Variants in PALS2 observed in about 807,000 individuals in gnomAD.
PALS2 encodes protein PALS2.
Under a neutral mutation model 61.6 loss-of-function variants are expected in PALS2, and 27 were observed. The ratio of observed to expected loss-of-function variants is 0.44; its 90% CI spans 0.32 to 0.60. The LOEUF (loss-of-function observed/expected upper bound fraction) is 0.60, where lower values mean the gene tolerates loss of function less well. Among genes scored for constraint, PALS2 ranks in the 20% least tolerant of loss-of-function variants. The probability of loss-of-function intolerance (pLI) is 0.05; values close to 1 mark genes in which losing one functional copy is unlikely to be tolerated. For synonymous variants in PALS2, 236 were observed against 218.6 expected, an observed-to-expected ratio of 1.08 and a Z score of -0.70; for missense variants, 554 against 639.4, an observed-to-expected ratio of 0.87 and a Z score of 1.44.
intron 1 of PALS2, among the ~76,000 whole-genome samples, chr7:24,590,011 A>G (rs1263972560): frequency 1.3e-5 from 2 of 152,186 alleles, no homozygotes; most frequent in African/African-American, 4.8e-5. Context: ...GGCCTAGTAC[A>G]TTTCCAAATG....
In PALS2 at chr7:24,692,179, A is replaced by G. The variant is rs1448973345; in HGVS notation, c.*4565A>G. 6.6e-6 allele frequency: 1 copy of G among 152,200 alleles called. No individual in the cohort carries two copies. The highest frequency in any genetic ancestry group is 1.5e-5 in the Non-Finnish European group (1 of 68,018). 9.4% of individuals were successfully genotyped at this position (152,200 alleles called of 1,614,324 possible). ...AACATGAGTCCTTAATATACTAAACAGTGAAAGAATGATGATATCTCATTT... is the reference window on the plus strand; with the variant it reads ...AACATGAGTCCTTAATATACTAAACGGTGAAAGAATGATGATATCTCATTT... On this transcript the variant is annotated 3_prime_UTR_variant, in exon 12 of 12. Coordinates refer to ENST00000222644, the MANE Select transcript of PALS2 (RefSeq NM_001303037.2).
chr7:24,623,087 A>T (rs750960123), intron 1 of PALS2, among the ~76,000 whole-genome samples: 1 of 151,274 alleles, frequency 6.6e-6, no homozygotes, highest in Admixed American at 6.6e-5. Context: ...AGATTTTTGC[A>T]TTTGTATTTC....
intron 1 of PALS2, among the ~76,000 whole-genome samples, chr7:24,608,438 T>G (rs1269894618): frequency 1.3e-5 from 2 of 152,148 alleles, no homozygotes; most frequent in East Asian, 1.9e-4. Flanking sequence ...ACTTATTCTA[T>G]TCTTGTCTTA....
chr7:24,668,465 T>G (rs1015179595), intron 8 of PALS2, 34 bp from the exon 9 acceptor site: 6 of 1,578,496 alleles, frequency 3.8e-6, no homozygotes, highest in Non-Finnish European at 4.3e-6. Context: ...TATATAAAAG[T>G]TGACTTTGTA....
intron 1 of PALS2, among the ~76,000 whole-genome samples, chr7:24,587,674 G>A (rs983489943): frequency 2.0e-5 from 3 of 151,652 alleles, no homozygotes; most frequent in Non-Finnish European, 3.0e-5. Context: ...ACCATGCTAA[G>A]TTTTGTGGGG....
At chr7:24,583,893 T>C (rs1167272667) in intron 1 of PALS2, among the ~76,000 whole-genome samples, 2 of 151,826 alleles carry the variant, frequency 1.3e-5, no homozygotes, top group African/African-American at 4.8e-5. Flanking sequence ...TTCCCACCTA[T>C]GAGTGAGAAT....
intron 9 of PALS2, among the ~76,000 whole-genome samples, chr7:24,678,646 G>GTGCT: frequency 6.6e-6 from 1 of 152,188 alleles, no homozygotes; most frequent in Non-Finnish European, 1.5e-5. Context: ...GAGAAGGAGA[G>GTGCT]TGCTGGTCAG....
At chr7:24,641,637 T>C (rs1785557200) in intron 2 of PALS2, 79 bp from the exon 3 acceptor site, 4 of 1,273,060 alleles carry the variant, frequency 3.1e-6, no homozygotes, top group Admixed American at 2.6e-5. Context: ...TTTTAAAACT[T>C]TACGAAAAAG....
At chr7:24,664,190 G>A (rs1786895259) in intron 6 of PALS2, among the ~76,000 whole-genome samples, 1 of 152,102 alleles carries the variant, frequency 6.6e-6, no homozygotes, top group Admixed American at 6.5e-5. Context: ...CCTCTTCTCA[G>A]ATATTGGGAA....
chr7:24,652,017 G>T (rs756743205), intron 5 of PALS2, among the ~76,000 whole-genome samples: 3 of 152,250 alleles, frequency 2.0e-5, no homozygotes, highest in Non-Finnish European at 4.4e-5. Context: ...TCAAGGAAAA[G>T]AATTGTGAAA....
At chr7:24,677,248 T>C (rs1186962594) in intron 9 of PALS2, among the ~76,000 whole-genome samples, 1 of 152,216 alleles carries the variant, frequency 6.6e-6, no homozygotes, top group Admixed American at 6.5e-5. Flanking sequence ...CTGAAGTTGC[T>C]TATCAGCTTA....
rs532352028 is a variant in PALS2 at position 24,618,126 on chromosome 7, G to C, written c.-2-5540G>C. Among the ~76,000 whole-genome samples the C allele has an allele frequency of 6.6e-6, 1 of 152,180 alleles. No homozygotes were observed. The highest frequency in any genetic ancestry group is 6.5e-5 in the Admixed American group (1 of 15,282). ...GGCTAGCCTGCCAGGCTGTTTTTCA[G>C]GCTCAGGACATGGGTGTGCAACTAC... On this transcript the variant is annotated intron_variant, in intron 1 of 11. Transcript: ENST00000222644. The surrounding 1 kb of genome is among the most constrained non-coding windows in gnomAD (Gnocchi z 5.1).
chr7:24,683,078 A>G (rs1302114387), intron 11 of PALS2, among the ~76,000 whole-genome samples: 1 of 152,362 alleles, frequency 6.6e-6, no homozygotes, highest in African/African-American at 2.4e-5. Flanking sequence ...AGCCTGATCT[A>G]TAAAGTTCCT....
chr7:24,667,657 A>ATTTTTT (rs11284911), intron 8 of PALS2, among the ~76,000 whole-genome samples: 3 of 98,646 alleles, frequency 3.0e-5, no homozygotes, highest in East Asian at 3.2e-4. Context: ...GATTAGATAA[A>ATTTTTT]TTTTTTTTTT....
At chr7:24,677,575 G>A (rs910758448) in intron 9 of PALS2, among the ~76,000 whole-genome samples, 5 of 152,092 alleles carry the variant, frequency 3.3e-5, no homozygotes, top group Non-Finnish European at 5.9e-5. Context: ...AGAGTTTTTA[G>A]CATGAAGGGC....
At chr7:24,599,466 C>G (rs1783637542) in intron 1 of PALS2, among the ~76,000 whole-genome samples, 1 of 149,232 alleles carries the variant, frequency 6.7e-6, no homozygotes, top group Middle Eastern at 3.5e-3. Context: ...CATTGTACAG[C>G]TGTACAAAAA....
At position 24,679,232 on chromosome 7, in the gene PALS2, G is replaced by C. The variant is rs1192396787; in HGVS notation, c.1216G>C (p.Glu406Gln). Residue 406 changes from glutamate (E) to glutamine (Q), a missense_variant, in exon 10 of 12, where the codon GAA (glutamate) becomes CAA (glutamine). Physicochemically the swap from Glu to Gln is conservative, Grantham distance 29. Transcript: ENST00000222644. ...AGATATTAAAGCTGGAAAGTATTTG[G>C]AACATGGGGAATATGAAGGAAATCT... Reference protein sequence around the residue: ...EADIKAGKYLEHGEYEGNLYG... With the variant: ...EADIKAGKYLQHGEYEGNLYG... 6.2e-7 allele frequency: 1 copy of C among 1,613,984 alleles called. No individual in the cohort carries two copies. The highest frequency in any genetic ancestry group is 2.2e-5 in the East Asian group (1 of 44,874).
rs200353479 is a variant in PALS2 at position 24,579,893 on chromosome 7, TG to T, written c.-3+6301del. 3.0e-4 allele frequency among the ~76,000 whole-genome samples: 46 copies of T among 152,336 alleles called. No homozygotes were observed. The East Asian group carries it at 7.9e-3, about 26-fold the overall frequency. ...TAATGGAACTTTTTCATAGTTGCTT[TG>T]TTCTGTAGGATATTATTAGATATTA... On this transcript the variant is annotated intron_variant, in intron 1 of 11. Coordinates refer to ENST00000222644, the MANE Select transcript of PALS2 (RefSeq NM_001303037.2).
At chr7:24,616,597 T>C (rs1371027725) in intron 1 of PALS2, among the ~76,000 whole-genome samples, 1 of 152,220 alleles carries the variant, frequency 6.6e-6, no homozygotes, top group Admixed American at 6.5e-5. Flanking sequence ...TAATTGACTC[T>C]TGTTTTTTAA....
Sources: allele counts gnomAD v4.1 joint callset (sites outside exome capture counted in the v4.1 genomes callset), GRCh38; gene constraint gnomAD v4.1.1; non-coding constraint Gnocchi (gnomAD v3.1); transcripts MANE v1.5; gene names NCBI Gene and HGNC (gene_info 2026-07-23, HGNC 2026-07-21).